The following HMCN1 variants were observed in gnomAD, a reference collection of about 807,000 sequenced individuals.
The protein encoded by HMCN1 is hemicentin 1, also known as hemicentin-1.
In HMCN1, 321 loss-of-function variants were observed where a neutral mutation model predicts 625.9. That is an observed-to-expected ratio of 0.51 (90% confidence interval 0.47 to 0.56). HMCN1 has a LOEUF of 0.56. HMCN1 is among the 20% of genes least tolerant of loss of function. HMCN1 has a pLI of 0.00. For missense variants in HMCN1, 6,588 were observed against 6,887.3 expected (o/e 0.96, Z 1.54); for synonymous variants, 2,425 against 2,417.6 (o/e 1.00, Z -0.09).
chr1:186,141,178 G>T (rs1649932257), intron 89 of HMCN1, among the ~76,000 whole-genome samples: 1 of 152,158 alleles, frequency 6.6e-6, no homozygotes, highest in Non-Finnish European at 1.5e-5. Context: ...TGCCACTGCT[G>T]ATCTGACAGG....
chr1:186,081,883 T>C (rs371155328), intron 56 of HMCN1, among the ~76,000 whole-genome samples: 5 of 152,198 alleles, frequency 3.3e-5, no homozygotes, highest in African/African-American at 1.2e-4. Flanking sequence ...AAAGCACTTG[T>C]AGAAATAATA....
At chr1:186,123,668 T>G (rs1661507224) in intron 81 of HMCN1, among the ~76,000 whole-genome samples, 1 of 152,200 alleles carries the variant, frequency 6.6e-6, no homozygotes, top group Non-Finnish European at 1.5e-5. Context: ...ATATTACATG[T>G]ATATTTTTAT....
intron 11 of HMCN1, among the ~76,000 whole-genome samples, chr1:185,953,625 A>C (rs2102538787): frequency 6.6e-6 from 1 of 151,952 alleles, no homozygotes; most frequent in South Asian, 2.1e-4. Context: ...CTGGATTTGA[A>C]ATTGGTGAGA....
At chr1:186,123,681 CAG>C (rs1223309233) in intron 81 of HMCN1, among the ~76,000 whole-genome samples, 2 of 151,962 alleles carry the variant, frequency 1.3e-5, no homozygotes, top group Non-Finnish European at 2.9e-5. Context: ...ATTTTTATAA[CAG>C]AAAAATATCT....
Position 186,120,070 on chromosome 1 carries a change from G to A in HMCN1, c.12154G>A (p.Asp4052Asn), listed in dbSNP as rs372938063. ...GLQISRAVRE[D>N]AGTYMCVAQN... Reference sequence around the variant, plus strand: ...ACAGATCTCCAGAGCTGTCCGAGAGGATGCTGGCACTTACATGTGTGTGGC... The same window carrying A: ...ACAGATCTCCAGAGCTGTCCGAGAGAATGCTGGCACTTACATGTGTGTGGC... The change falls in exon 80 of 107, where the codon GAT becomes AAT. Residue 4052 changes from aspartate to asparagine, a missense_variant. Transcript: ENST00000271588. 5 of 1,613,924 alleles carry A rather than the reference G, an allele frequency of 3.1e-6. No individual in the cohort carries two copies. In the African/African-American group the frequency reaches 6.7e-5, roughly 22 times the overall value.
At chr1:185,875,219 A>G (rs901519110) in intron 4 of HMCN1, among the ~76,000 whole-genome samples, 12 of 151,988 alleles carry the variant, frequency 7.9e-5, no homozygotes, top group African/African-American at 2.7e-4. Context: ...TTTTTCTTTT[A>G]TGTCTTATCT....
intron 1 of HMCN1, among the ~76,000 whole-genome samples, chr1:185,818,267 G>A (rs1001340356): frequency 6.6e-6 from 1 of 152,146 alleles, no homozygotes; most frequent in African/African-American, 2.4e-5. Flanking sequence ...ACATGACAGT[G>A]TGGGCTTATC....
At position 186,057,339 on chromosome 1, in the gene HMCN1, C is replaced by G; in HGVS notation, c.7250C>G (p.Ser2417Cys). ...TCEASGIPLP[S>C]ITWFKDGWPV... ...GAAGCTTCTGGAATTCCCCTGCCTT[C>G]CATAACCTGGTTCAAAGATGGGTGG... The change falls in exon 46 of 107, where the codon TCC (serine) becomes TGC (cysteine). Residue 2417 changes from serine to cysteine, a missense_variant. This residue lies in a region of HMCN1 where 4,628 missense variants were observed against 4,853.1 expected (regional missense o/e 0.95). Coordinates refer to ENST00000271588, the MANE Select transcript of HMCN1 (RefSeq NM_031935.3). 6.2e-7 allele frequency: 1 copy of G among 1,610,920 alleles called. No individual in the cohort carries two copies.
intron 11 of HMCN1, 32 bp downstream of exon 11, chr1:185,933,856 C>A: frequency 6.2e-7 from 1 of 1,602,612 alleles, no homozygotes; most frequent in Non-Finnish European, 8.5e-7. Context: ...TGAATTATGA[C>A]ATCTTTCTGT....
chr1:186,008,485 A>G (rs1653782308), intron 30 of HMCN1, among the ~76,000 whole-genome samples: 1 of 152,134 alleles, frequency 6.6e-6, no homozygotes, highest in African/African-American at 2.4e-5. Context: ...GTTTCTTTCC[A>G]TATTTTTTAA....
At chr1:186,114,690 A>G in intron 73 of HMCN1, 129 bp from the exon 74 acceptor site, 1 of 1,082,140 alleles carries the variant, frequency 9.2e-7, no homozygotes, top group Non-Finnish European at 1.4e-6. Context: ...GGGTATCATA[A>G]ACATGTGTCA....
At chr1:185,882,904 C>T (rs1401771472) in intron 4 of HMCN1, among the ~76,000 whole-genome samples, 1 of 152,074 alleles carries the variant, frequency 6.6e-6, no homozygotes, top group Non-Finnish European at 1.5e-5. Context: ...AGTCCTCCAT[C>T]ATAGCTGACT....
chr1:185,842,522 C>T (rs1414098640), intron 1 of HMCN1, among the ~76,000 whole-genome samples: 5 of 151,054 alleles, frequency 3.3e-5, no homozygotes, highest in Non-Finnish European at 7.4e-5. Flanking sequence ...TGTGATCATG[C>T]CATTGCACTG....
chr1:185,747,217 T>C (rs1256599298), intron 1 of HMCN1, among the ~76,000 whole-genome samples: 1 of 152,216 alleles, frequency 6.6e-6, no homozygotes, highest in Non-Finnish European at 1.5e-5. Flanking sequence ...TGATCTCTTT[T>C]ATTGGATAGG....
intron 1 of HMCN1, among the ~76,000 whole-genome samples, chr1:185,770,740 C>G (rs1278583552): frequency 6.6e-6 from 1 of 152,190 alleles, no homozygotes; most frequent in African/African-American, 2.4e-5. Context: ...TACTAATATT[C>G]ACTTGCTTCC....
At chr1:185,912,941 A>G (rs1032049424) in intron 6 of HMCN1, among the ~76,000 whole-genome samples, 4 of 152,100 alleles carry the variant, frequency 2.6e-5, no homozygotes, top group Admixed American at 1.3e-4. Context: ...CATACTTCAA[A>G]TTATAGAGCT....
At chr1:185,850,102 G>A (rs957468934) in intron 2 of HMCN1, among the ~76,000 whole-genome samples, 1 of 152,134 alleles carries the variant, frequency 6.6e-6, no homozygotes, top group Non-Finnish European at 1.5e-5. Context: ...CCTGTAGCTC[G>A]TATTAACCTG....
rs41317463 is a variant in HMCN1 at position 185,984,387 on chromosome 1, C to T, written c.2935+74C>T. ...TTGTTCTTATATTTTAATCAAATAA[C>T]TCTGTTCCTCTAATTACAATTAGAT... On this transcript the variant is annotated intron_variant, in intron 19 of 106. Transcript: ENST00000271588. The T allele has an allele frequency of 1.0e-3, 1,391 of 1,348,216 alleles. 1 individual carries two copies. The highest frequency in any genetic ancestry group is 1.4e-3 in the Non-Finnish European group (1,316 of 938,024). 83.5% of individuals were successfully genotyped at this position (1,348,216 alleles called of 1,614,324 possible).
intron 102 of HMCN1, among the ~76,000 whole-genome samples, chr1:186,172,866 G>A (rs1571461539): frequency 1.3e-5 from 2 of 152,138 alleles, no homozygotes; most frequent in East Asian, 1.9e-4. Flanking sequence ...ACCATAAAGA[G>A]GAACAAATAA....
Sources: gnomAD v4.1 joint callset for allele counts (sites outside exome capture counted in the v4.1 genomes callset) on GRCh38, gnomAD v4.1.1 for gene constraint, gnomAD v4.1.1 regional missense constraint, MANE v1.5 for transcripts, NCBI Gene and HGNC (gene_info 2026-07-23, HGNC 2026-07-21) for gene names.